The following DOCK1 variants were observed in gnomAD, a reference collection of about 807,000 sequenced individuals.
The protein encoded by DOCK1 is dedicator of cytokinesis protein 1.
Under a neutral mutation model 262.7 loss-of-function variants are expected in DOCK1, and 138 were observed. The observed-to-expected ratio is 0.53, with a 90% confidence interval of 0.46 to 0.61. The LOEUF is 0.61. Ranked by LOEUF, DOCK1 falls within the 20% of genes least tolerant of loss-of-function variation. The pLI is 0.00. For missense variants in DOCK1, 1,908 were observed against 2,370.7 expected (o/e 0.80, Z 4.05); for synonymous variants, 866 against 867.4 (o/e 1.00, Z 0.03).
chr10:126,990,520 A>G lies in DOCK1; in HGVS notation c.390A>G (p.Ser130=). The G allele has an allele frequency of 1.2e-6, 2 of 1,613,818 alleles. No individual in the cohort carries two copies. The highest frequency in any genetic ancestry group is 1.3e-5 in the African/African-American group (1 of 75,044). Residue 130 remains serine, a synonymous_variant, in exon 6 of 52, where the codon TCA becomes TCG. Transcript: ENST00000623213. ...HMIYDLIEWR[S]QILSGTLPQD... Reference sequence around the variant, plus strand: ...TCTATGACCTTATTGAATGGCGATCACAAATTCTTTCTGGAACTCTGCCTC... The same window carrying G: ...TCTATGACCTTATTGAATGGCGATCGCAAATTCTTTCTGGAACTCTGCCTC...
chr10:127,222,601 G>A (rs7900922), intron 27 of DOCK1, among the ~76,000 whole-genome samples: 39 of 151,412 alleles, frequency 2.6e-4, no homozygotes, highest in Admixed American at 9.2e-4. Context: ...CTTTTTGGTC[G>A]ACATTTCATT....
chr10:127,323,359 G>A (rs75530003), intron 29 of DOCK1, among the ~76,000 whole-genome samples: 4,795 of 152,222 alleles, frequency 0.032, 117 homozygotes, highest in Middle Eastern at 0.048. Flanking sequence ...TGTCCTGTCC[G>A]GTGGGGACGT....
At chr10:127,239,336 T>C (rs113110649) in intron 27 of DOCK1, among the ~76,000 whole-genome samples, 1 of 152,240 alleles carries the variant, frequency 6.6e-6, no homozygotes, top group Non-Finnish European at 1.5e-5. Flanking sequence ...TTATTTACTA[T>C]AATCTCATAT....
At chr10:127,192,806 C>T (rs1268983863) in intron 27 of DOCK1, 7 of 152,220 alleles carry the variant, frequency 4.6e-5, no homozygotes, top group Non-Finnish European at 1.0e-4. Context: ...TAACACAAGA[C>T]ATTGTCCAAA....
At chr10:127,274,496 G>A (rs577240552) in intron 29 of DOCK1, among the ~76,000 whole-genome samples, 155 of 152,192 alleles carry the variant, frequency 1.0e-3, no homozygotes, top group Middle Eastern at 3.4e-3. Flanking sequence ...GAGAGCCCTG[G>A]GGATAAGCTA....
chr10:127,113,919 T>A (rs1435384915), intron 25 of DOCK1, among the ~76,000 whole-genome samples: 1 of 152,206 alleles, frequency 6.6e-6, no homozygotes, highest in East Asian at 1.9e-4. Context: ...TGCTAATCTC[T>A]GCTGGAAACA....
intron 30 of DOCK1, among the ~76,000 whole-genome samples, chr10:127,342,684 A>G (rs981612321): frequency 2.0e-5 from 3 of 152,210 alleles, no homozygotes; most frequent in Non-Finnish European, 2.9e-5. Flanking sequence ...CTTTGCAGCT[A>G]TCTCCTTTGA....
intron 31 of DOCK1, among the ~76,000 whole-genome samples, chr10:127,352,741 T>C (rs2063945921): frequency 6.6e-6 from 1 of 152,140 alleles, no homozygotes; most frequent in Non-Finnish European, 1.5e-5. Flanking sequence ...TACAGACATG[T>C]GCCACCACGC....
chr10:127,147,029 A>G (rs2051933197), intron 27 of DOCK1, among the ~76,000 whole-genome samples: 1 of 152,194 alleles, frequency 6.6e-6, no homozygotes, highest in Non-Finnish European at 1.5e-5. Context: ...TTGTGGTCTT[A>G]TTGGTGTTGT....
chr10:127,410,509 A>T (rs1336772320), intron 42 of DOCK1, among the ~76,000 whole-genome samples: 1 of 152,226 alleles, frequency 6.6e-6, no homozygotes, highest in Non-Finnish European at 1.5e-5. Context: ...ATACTTTTTT[A>T]AAATAATAAT....
At position 127,433,429 on chromosome 10, in the gene DOCK1, G is replaced by A; in HGVS notation, c.5060+1G>A. The A allele has an allele frequency of 6.2e-7, 1 of 1,613,892 alleles. No individual in the cohort carries two copies. Among genetic ancestry groups the A allele is most frequent in the Non-Finnish European group, 8.5e-7 (1 of 1,179,866 alleles). On this transcript the variant is annotated splice_donor_variant, in intron 48 of 51. Coordinates refer to ENST00000623213, the MANE Select transcript of DOCK1 (RefSeq NM_001290223.2). LOFTEE classifies it high-confidence loss of function. ...CCCCTTCCAGACCAGGCTCCGACGGGTGAGTCAAGCTCACAGCAGGGCTGA... is the reference window on the plus strand; with the variant it reads ...CCCCTTCCAGACCAGGCTCCGACGGATGAGTCAAGCTCACAGCAGGGCTGA...
chr10:127,348,346 A>T (rs2063737977), intron 31 of DOCK1, among the ~76,000 whole-genome samples: 1 of 152,104 alleles, frequency 6.6e-6, no homozygotes, highest in South Asian at 2.1e-4. Context: ...ATATGTCTAA[A>T]ATGTAAAAGG....
At position 127,176,848 on chromosome 10, in the gene DOCK1, C is replaced by T. The variant is rs2055206909; in HGVS notation, c.2847+49084C>T. 6.4e-6 allele frequency: 1 copy of T among 155,808 alleles called. No individual in the cohort carries two copies. The highest frequency in any genetic ancestry group is 2.0e-4 in the South Asian group (1 of 5,046). 9.7% of individuals were successfully genotyped at this position (155,808 alleles called of 1,614,324 possible). A position where few individuals can be genotyped will look rare whatever the true frequency, so the allele number is the denominator to read the frequency against. On this transcript the variant is annotated intron_variant, in intron 27 of 51. Coordinates refer to ENST00000623213, the MANE Select transcript of DOCK1 (RefSeq NM_001290223.2). This position sits in a 1 kb window ranked among gnomAD's most constrained non-coding sequence, Gnocchi z 4.4. Reference sequence around the variant, plus strand: ...GACGTCATTAATCTATTGCTGGAATCTGGGAGAGCTGCTGTTTTAAAGACT... The same window carrying T: ...GACGTCATTAATCTATTGCTGGAATTTGGGAGAGCTGCTGTTTTAAAGACT...
chr10:127,115,199 G>A (rs1044307214), intron 25 of DOCK1, among the ~76,000 whole-genome samples: 2 of 152,198 alleles, frequency 1.3e-5, no homozygotes, highest in Non-Finnish European at 2.9e-5. Context: ...GTTGTGCAGA[G>A]GAGCTGATCC....
At chr10:127,193,759 C>T (rs2056910566) in intron 27 of DOCK1, among the ~76,000 whole-genome samples, 1 of 151,698 alleles carries the variant, frequency 6.6e-6, no homozygotes, top group African/African-American at 2.4e-5. Flanking sequence ...AAAAATTTTT[C>T]CCTACAGAGG....
Position 126,990,457 on chromosome 10 carries a change from A to G in DOCK1, c.327A>G (p.Gln109=). 1 of 1,606,288 alleles carries G rather than the reference A, an allele frequency of 6.2e-7. No homozygotes were observed. The highest frequency in any genetic ancestry group is 8.5e-7 in the Non-Finnish European group (1 of 1,176,056). Residue 109 remains glutamine (Q), a splice_region_variant and synonymous_variant, in exon 6 of 52, where the codon CAA becomes CAG. Transcript: ENST00000623213. ...WSTIWRQLYV[Q]DNREMFRSVR... is the part of the protein sequence containing the mutation. ...TGATTGGGTTTTTCCCCGTATAGCAAGATAACAGGGAGATGTTTCGAAGTG... is the reference window on the plus strand; with the variant it reads ...TGATTGGGTTTTTCCCCGTATAGCAGGATAACAGGGAGATGTTTCGAAGTG...
rs5788842 is a variant in DOCK1 at position 127,437,478 on chromosome 10, CTTTTTTTTT to C, written c.5061-1536_5061-1528del. On this transcript the variant is annotated intron_variant, in intron 48 of 51. Coordinates refer to ENST00000623213, the MANE Select transcript of DOCK1 (RefSeq NM_001290223.2). The surrounding 1 kb of genome is among the most constrained non-coding windows in gnomAD (Gnocchi z 4.4). ...GGAGCAAGATTGCTGCAATGACCAT[CTTTTTTTTT>C]TTTTTTTTTTTTGAGACAGGATCTG... Among the ~76,000 whole-genome samples, 89 of 145,898 alleles carry C rather than the reference CTTTTTTTTT, an allele frequency of 6.1e-4. No homozygotes were observed. Among genetic ancestry groups the C allele is most frequent in the South Asian group, 1.5e-3 (7 of 4,552 alleles).
intron 29 of DOCK1, among the ~76,000 whole-genome samples, chr10:127,267,709 C>T (rs576974595): frequency 1.3e-5 from 2 of 152,300 alleles, no homozygotes; most frequent in South Asian, 4.1e-4. Flanking sequence ...TTACGAGGAC[C>T]GAAGCCAAGT....
chr10:127,355,418 G>T (rs1010801853), intron 32 of DOCK1, among the ~76,000 whole-genome samples: 9 of 152,112 alleles, frequency 5.9e-5, no homozygotes, highest in Non-Finnish European at 4.4e-5. Context: ...CTCACTCCTC[G>T]TTGAGATGAA....
Sources: allele counts gnomAD v4.1 joint callset (sites outside exome capture counted in the v4.1 genomes callset), GRCh38; gene constraint gnomAD v4.1.1; non-coding constraint Gnocchi (gnomAD v3.1); transcripts MANE v1.5; gene names NCBI Gene and HGNC (gene_info 2026-07-23, HGNC 2026-07-21).